STAU1: variants seen among roughly 807,000 people sequenced by gnomAD.
The protein encoded by STAU1 is double-stranded RNA-binding protein Staufen homolog 1.
Under a neutral mutation model 62.9 loss-of-function variants are expected in STAU1, and 13 were observed. The ratio of observed to expected loss-of-function variants is 0.21; its 90% CI spans 0.13 to 0.33. The LOEUF (loss-of-function observed/expected upper bound fraction) is 0.33, where lower values mean the gene tolerates loss of function less well. Ranked by LOEUF, STAU1 falls within the 10% of genes least tolerant of loss-of-function variation. The probability of loss-of-function intolerance (pLI) is 1.00; values close to 1 mark genes in which losing one functional copy is unlikely to be tolerated. For synonymous variants in STAU1, 269 were observed against 265.1 expected (o/e 1.01, Z -0.14); for missense variants, 571 against 712.1 (o/e 0.80, Z 2.25).
rs374794383 is a variant in STAU1 at position 49,124,618 on chromosome 20, G to C, written c.610-31C>G. The C allele has an allele frequency of 1.9e-6, 3 of 1,609,590 alleles. No homozygotes were observed. In the African/African-American group the frequency reaches 4.0e-5, roughly 22 times the overall value. On this transcript the variant is annotated intron_variant, in intron 6 of 13. Coordinates refer to ENST00000371856, the MANE Select transcript of STAU1 (RefSeq NM_017453.4). ...TCAGAGGGAAAGACTGAGTGAAAGC[G>C]GACAGACACTTATTAAAAGCTCCAA... is the stretch of plus-strand genomic sequence containing the variant.
intron 3 of STAU1, chr20:49,158,818 A>T (rs1416427235): frequency 1.6e-6 from 1 of 639,538 alleles, no homozygotes; most frequent in African/African-American, 2.0e-5. Flanking sequence ...AATAAAAAAA[A>T]GCCGGGCGCG....
chr20:49,118,005 A>T lies in STAU1; in HGVS notation c.1281T>A (p.Ala427=). Residue 427 remains alanine (A), a synonymous_variant, in exon 11 of 14, where the codon GCT becomes GCA. Transcript: ENST00000371856. Reference sequence around the variant, plus strand: ...TGTGATGTCCTTGACTAACTCCTACAGCCTGGGCGACCTCGGGCACCATGG... The same window carrying T: ...TGTGATGTCCTTGACTAACTCCTACTGCCTGGGCGACCTCGGGCACCATGG... ...ILPMVPEVAQ[A]VGVSQGHHTK... is the part of the protein sequence containing the mutation. 6.2e-7 allele frequency: 1 copy of T among 1,614,174 alleles called. No individual in the cohort carries two copies. Among genetic ancestry groups the T allele is most frequent in the Non-Finnish European group, 8.5e-7 (1 of 1,180,024 alleles).
chr20:49,155,391 T>G (rs2093341712), intron 3 of STAU1, among the ~76,000 whole-genome samples: 1 of 152,154 alleles, frequency 6.6e-6, no homozygotes, highest in Non-Finnish European at 1.5e-5. Context: ...ATTTTCCAAT[T>G]TTTTTTTCTT....
intron 3 of STAU1, among the ~76,000 whole-genome samples, chr20:49,156,821 T>C (rs1429153625): frequency 6.6e-6 from 1 of 152,174 alleles, no homozygotes; most frequent in Non-Finnish European, 1.5e-5. Context: ...CTTATCCTTT[T>C]TTGTTGTTTT....
intron 1 of STAU1, among the ~76,000 whole-genome samples, chr20:49,181,312 AT>A (rs2093721462): frequency 6.6e-6 from 1 of 152,202 alleles, no homozygotes; most frequent in Non-Finnish European, 1.5e-5. Flanking sequence ...ATAGCAGTAA[AT>A]ATTATTATCC....
At chr20:49,186,922 T>C (rs1220685413) in intron 1 of STAU1, among the ~76,000 whole-genome samples, 1 of 151,970 alleles carries the variant, frequency 6.6e-6, no homozygotes, top group Non-Finnish European at 1.5e-5. Context: ...GAAGCACGTA[T>C]CTTCGCGGAA....
upstream of STAU1, among the ~76,000 whole-genome samples, chr20:49,189,691 G>A (rs1353166481): frequency 2.6e-5 from 4 of 151,356 alleles, no homozygotes; most frequent in Non-Finnish European, 5.9e-5. Flanking sequence ...CGCGTTGTGA[G>A]AGGTCCAAGA....
intron 3 of STAU1, among the ~76,000 whole-genome samples, chr20:49,160,071 A>G (rs2146324540): frequency 6.6e-6 from 1 of 152,366 alleles, no homozygotes; most frequent in South Asian, 2.1e-4. Context: ...ACAGGTTAAC[A>G]TATATGCTCT....
chr20:49,209,186 C>T, the STAU1 span, among the ~76,000 whole-genome samples: 2 of 151,286 alleles, frequency 1.3e-5, no homozygotes, highest in Non-Finnish European at 2.9e-5. Context: ...TTGCCTGCCT[C>T]GGCCTTCCAA....
At chr20:49,170,014 C>A (rs2146437674) in intron 2 of STAU1, among the ~76,000 whole-genome samples, 1 of 152,328 alleles carries the variant, frequency 6.6e-6, no homozygotes, top group East Asian at 1.9e-4. Flanking sequence ...TACCGTTTTA[C>A]AAGTGCCAAA....
chr20:49,154,728 T>A (rs2093328520), intron 3 of STAU1, among the ~76,000 whole-genome samples: 1 of 151,910 alleles, frequency 6.6e-6, no homozygotes, highest in African/African-American at 2.4e-5. Flanking sequence ...TAGCCAGGCA[T>A]GGTGGCGGGT....
intron 1 of STAU1, among the ~76,000 whole-genome samples, chr20:49,187,778 C>CG (rs1187221066): frequency 0.13 from 6,439 of 51,076 alleles, 514 homozygotes; most frequent in African/African-American, 0.36. Context: ...CAGGGACCCC[C>CG]CCCCCCCCCC....
chr20:49,200,533 G>A, the STAU1 span, among the ~76,000 whole-genome samples: 32 of 151,590 alleles, frequency 2.1e-4, no homozygotes, highest in Non-Finnish European at 3.4e-4. Context: ...CCTGGGAGGC[G>A]GAGCTTGCAG....
At chr20:49,218,564 AC>A in the STAU1 span, among the ~76,000 whole-genome samples, 35 of 107,642 alleles carry the variant, frequency 3.3e-4, no homozygotes, top group Middle Eastern at 9.1e-3. Context: ...AAACAAACAA[AC>A]AAAAAAAACA....
At chr20:49,217,230 CG>C in the STAU1 span, among the ~76,000 whole-genome samples, 1 of 151,920 alleles carries the variant, frequency 6.6e-6, no homozygotes. Context: ...CACAGGAATG[CG>C]AAATAGAACA....
intron 1 of STAU1, among the ~76,000 whole-genome samples, chr20:49,175,708 C>T (rs11699114): frequency 0.32 from 48,189 of 151,410 alleles, 9,034 homozygotes; most frequent in Middle Eastern, 0.46. Flanking sequence ...AGGCTGGTCT[C>T]GAACACCTGA....
At chr20:49,138,520 G>A (rs984206263) in intron 5 of STAU1, among the ~76,000 whole-genome samples, 1 of 151,382 alleles carries the variant, frequency 6.6e-6, no homozygotes. Flanking sequence ...TTGTTTTTTG[G>A]AGACAGTGTC....
At chr20:49,163,507 C>A (rs1376089353) in intron 3 of STAU1, among the ~76,000 whole-genome samples, 2 of 148,424 alleles carry the variant, frequency 1.3e-5, no homozygotes, top group Non-Finnish European at 3.0e-5. Flanking sequence ...CTTGCTGCAG[C>A]CTCTGCCTCC....
chr20:49,146,497 T>A (rs1339731656), intron 5 of STAU1, among the ~76,000 whole-genome samples: 1 of 151,026 alleles, frequency 6.6e-6, no homozygotes, highest in Non-Finnish European at 1.5e-5. Context: ...AGACTAGGAG[T>A]TTAAGACCAG....
Sources: gnomAD v4.1 joint callset for allele counts (sites outside exome capture counted in the v4.1 genomes callset) on GRCh38, gnomAD v4.1.1 for gene constraint, MANE v1.5 for transcripts, NCBI Gene and HGNC (gene_info 2026-07-23, HGNC 2026-07-21) for gene names.